The following ASZ1 variants were observed in gnomAD, a reference collection of about 807,000 sequenced individuals.
The protein encoded by ASZ1 is ankyrin repeat, SAM and basic leucine zipper domain containing 1.
A neutral mutation model predicts 61.8 loss-of-function variants in ASZ1; 67 were observed. That is an observed-to-expected ratio of 1.08 (90% CI 0.89 to 1.33). The LOEUF (loss-of-function observed/expected upper bound fraction) is 1.33. ASZ1 is among the 40% of genes most tolerant of loss of function. The probability of loss-of-function intolerance (pLI) is 0.00; values close to 1 mark genes in which losing one functional copy is unlikely to be tolerated. For synonymous variants in ASZ1, 193 were observed against 192.7 expected (o/e 1.00, Z -0.01); for missense variants, 577 against 554.5 (o/e 1.04, Z -0.41).
At chr7:117,374,938 T>C (rs1383991722) in intron 10 of ASZ1, among the ~76,000 whole-genome samples, 6 of 151,972 alleles carry the variant, frequency 3.9e-5, no homozygotes, top group Non-Finnish European at 7.4e-5. Flanking sequence ...ACAGCTTACA[T>C]AAGCAAGAGA....
At chr7:117,401,919 A>G (rs569652624) in intron 4 of ASZ1, among the ~76,000 whole-genome samples, 1 of 152,222 alleles carries the variant, frequency 6.6e-6, no homozygotes, top group African/African-American at 2.4e-5. Flanking sequence ...ACTGCTGTAA[A>G]GTGCATCTGC....
chr7:117,381,225 T>C lies in ASZ1; in HGVS notation c.889-158A>G, dbSNP rs190383508. ...ATACATGCAGAACTATGCTACTGAG[T>C]AGACAGTAATGAGTATCATAATAAT... On this transcript the variant is annotated intron_variant, in intron 8 of 12. Transcript: ENST00000284629. 7.0e-4 allele frequency among the ~76,000 whole-genome samples: 107 copies of C among 152,076 alleles called. 1 individual carries two copies. The Middle Eastern group carries it at 0.017, about 24-fold the overall frequency.
chr7:117,407,432 A>G lies in ASZ1; in HGVS notation c.440+12731T>C, dbSNP rs186344868. Among the ~76,000 whole-genome samples the G allele has an allele frequency of 6.7e-3, 1,019 of 152,144 alleles. 11 individuals are homozygous for G. The highest frequency in any genetic ancestry group is 0.023 in the African/African-American group (944 of 41,526). The stretch of plus-strand genomic sequence containing the variant: ...AGTAAAAAAAAAAAAAAATCAGGAC[A>G]GTAGTCCCTGCTTTATCCATGGGGG... On this transcript the variant is annotated intron_variant, in intron 4 of 12. Coordinates refer to ENST00000284629, the MANE Select transcript of ASZ1 (RefSeq NM_130768.3).
intron 4 of ASZ1, 78 bp from the exon 5 acceptor site, chr7:117,385,887 A>G: frequency 8.5e-7 from 1 of 1,176,584 alleles, no homozygotes; most frequent in South Asian, 1.3e-5. Context: ...AACCATACAC[A>G]ATACCACCAG....
chr7:117,375,219 A>C (rs1796115553), intron 10 of ASZ1, among the ~76,000 whole-genome samples: 1 of 152,032 alleles, frequency 6.6e-6, no homozygotes, highest in South Asian at 2.1e-4. Flanking sequence ...AAGGCAGAAG[A>C]GGCCTTACAG....
chr7:117,410,177 G>A (rs967690767), intron 4 of ASZ1, among the ~76,000 whole-genome samples: 2 of 151,592 alleles, frequency 1.3e-5, no homozygotes, highest in African/African-American at 2.4e-5. Context: ...TTAGAAACTT[G>A]TTATATTTAT....
chr7:117,405,277 C>G (rs1796760646), intron 4 of ASZ1, among the ~76,000 whole-genome samples: 1 of 152,226 alleles, frequency 6.6e-6, no homozygotes, highest in African/African-American at 2.4e-5. Context: ...AGTGTCCATT[C>G]TGTCATTTTG....
chr7:117,424,661 AC>A (rs1309579063), intron 2 of ASZ1, among the ~76,000 whole-genome samples: 4 of 152,250 alleles, frequency 2.6e-5, no homozygotes, highest in Non-Finnish European at 5.9e-5. Context: ...CATTCACTGT[AC>A]CTAGTCCCAC....
At chr7:117,382,938 C>A (rs1300309210) in intron 7 of ASZ1, 48 bp downstream of exon 7, 4 of 1,448,784 alleles carry the variant, frequency 2.8e-6, no homozygotes, top group East Asian at 2.6e-5. Flanking sequence ...AAAATATACA[C>A]AAATTTTACT....
At chr7:117,426,989 C>T (rs1797232167) in intron 1 of ASZ1, 54 bp from the exon 2 acceptor site, 6 of 1,473,842 alleles carry the variant, frequency 4.1e-6, no homozygotes, top group Non-Finnish European at 5.5e-6. Context: ...TTGTTTCCAC[C>T]TCATCAGGAA....
At chr7:117,423,322 A>G (rs1797133301) in intron 2 of ASZ1, among the ~76,000 whole-genome samples, 1 of 152,034 alleles carries the variant, frequency 6.6e-6, no homozygotes, top group African/African-American at 2.4e-5. Flanking sequence ...CTAACTGTCT[A>G]ATTTTAATTG....
In ASZ1 at chr7:117,381,086, A is replaced by C. The variant is rs370147977; in HGVS notation, c.889-19T>G. ...CCCTTTCCTGTATAAAAGGAAAAAA[A>C]GGCCACCTTTCCATATAATTAAAAT... is the stretch of plus-strand genomic sequence containing the variant. On this transcript the variant is annotated intron_variant, in intron 8 of 12. Transcript: ENST00000284629. The C allele has an allele frequency of 1.4e-5, 22 of 1,533,514 alleles. No homozygotes were observed. The African/African-American group carries it at 2.7e-4, about 19-fold the overall frequency. The allele number at this position is 1,533,514 out of a possible 1,614,324, so 95.0% of individuals were successfully genotyped here.
At chr7:117,365,642 T>C in intron 12 of ASZ1, among the ~76,000 whole-genome samples, 1 of 152,194 alleles carries the variant, frequency 6.6e-6, no homozygotes, top group African/African-American at 2.4e-5. Flanking sequence ...TAAACTTCCC[T>C]GGGATACCCA....
intron 10 of ASZ1, among the ~76,000 whole-genome samples, chr7:117,371,389 T>C (rs1286156366): frequency 6.6e-6 from 1 of 152,176 alleles, no homozygotes; most frequent in East Asian, 1.9e-4. Context: ...ATATAAACTT[T>C]ATATACATAA....
At chr7:117,403,470 G>A (rs1198223990) in intron 4 of ASZ1, among the ~76,000 whole-genome samples, 1 of 152,066 alleles carries the variant, frequency 6.6e-6, no homozygotes, top group African/African-American at 2.4e-5. Context: ...TGTCCATTTT[G>A]TGTTACCGTG....
intron 10 of ASZ1, among the ~76,000 whole-genome samples, chr7:117,370,691 T>C (rs1796032756): frequency 6.6e-6 from 1 of 152,062 alleles, no homozygotes; most frequent in Admixed American, 6.6e-5. Flanking sequence ...ATTAAGTAGA[T>C]CATTAATATC....
intron 4 of ASZ1, among the ~76,000 whole-genome samples, chr7:117,409,274 A>T (rs1314327918): frequency 6.6e-6 from 1 of 152,022 alleles, no homozygotes; most frequent in African/African-American, 2.4e-5. Context: ...TGTGAACCAC[A>T]GTTTTGATAT....
In ASZ1 at chr7:117,376,230, A is replaced by G. The variant is rs1220936424; in HGVS notation, c.1055+3708T>C. 2.0e-5 allele frequency among the ~76,000 whole-genome samples: 3 copies of G among 152,136 alleles called. No homozygotes were observed. The East Asian group carries it at 5.8e-4, about 29-fold the overall frequency. On this transcript the variant is annotated intron_variant, in intron 10 of 12. Coordinates refer to ENST00000284629, the MANE Select transcript of ASZ1 (RefSeq NM_130768.3). ...GAACCAAGTCCTTGAAAAACCACAC[A>G]TTACCAAAACTCAGCCAAAGCAAAA...
chr7:117,405,644 T>A (rs766164340), intron 4 of ASZ1, among the ~76,000 whole-genome samples: 1 of 152,218 alleles, frequency 6.6e-6, no homozygotes, highest in African/African-American at 2.4e-5. Context: ...TTTTCCCTGA[T>A]CGCATCATCT....
Sources: allele counts gnomAD v4.1 joint callset (sites outside exome capture counted in the v4.1 genomes callset), GRCh38; gene constraint gnomAD v4.1.1; transcripts MANE v1.5; gene names NCBI Gene and HGNC (gene_info 2026-07-23, HGNC 2026-07-21).